Variants in ARHGAP42 observed in about 807,000 individuals in gnomAD.
ARHGAP42 encodes rho GTPase-activating protein 42.
A neutral mutation model predicts 125.0 loss-of-function variants in ARHGAP42; 63 were observed. The ratio of observed to expected loss-of-function variants is 0.50; its 90% CI spans 0.41 to 0.62. The LOEUF (loss-of-function observed/expected upper bound fraction) is 0.62, where lower values mean the gene tolerates loss of function less well. Among genes scored for constraint, ARHGAP42 ranks in the 20% least tolerant of loss-of-function variants. The probability of loss-of-function intolerance (pLI) is 0.00; values close to 1 mark genes in which losing one functional copy is unlikely to be tolerated. For synonymous variants in ARHGAP42, 339 were observed against 351.0 expected, an observed-to-expected ratio of 0.97 and a Z score of 0.38; for missense variants, 766 against 1,024.2, an observed-to-expected ratio of 0.75 and a Z score of 3.44.
In ARHGAP42 at chr11:100,688,286, GAC is replaced by G. The variant is rs1371066764; in HGVS notation, c.154+458_154+459del. ...CTCATACGTCAGTGGCTCTTCATTG[GAC>G]ACAGTCATTGAGTTGGCTTTTTAAA... On this transcript the variant is annotated intron_variant, in intron 1 of 23. Transcript: ENST00000298815. 8.5e-5 allele frequency among the ~76,000 whole-genome samples: 13 copies of G among 152,250 alleles called. No homozygotes were observed. The South Asian group carries it at 2.5e-3, about 29-fold the overall frequency.
chr11:100,763,068 CT>C (rs1293735295), intron 1 of ARHGAP42, among the ~76,000 whole-genome samples: 1 of 148,442 alleles, frequency 6.7e-6, no homozygotes, highest in African/African-American at 2.5e-5. Flanking sequence ...CAACCTCCTC[CT>C]CCCAGGTTCA....
intron 5 of ARHGAP42, among the ~76,000 whole-genome samples, chr11:100,920,905 T>A (rs934336413): frequency 1.3e-5 from 2 of 151,990 alleles, no homozygotes; most frequent in African/African-American, 4.8e-5. Flanking sequence ...CTTAGATGCT[T>A]CTCCCACCAT....
At chr11:100,688,406 A>C (rs1215760930) in intron 1 of ARHGAP42, among the ~76,000 whole-genome samples, 1 of 152,154 alleles carries the variant, frequency 6.6e-6, no homozygotes. Flanking sequence ...TGTGCGTCTT[A>C]GTTTTGGTTT....
intron 4 of ARHGAP42, among the ~76,000 whole-genome samples, chr11:100,912,702 G>A (rs1866956920): frequency 6.6e-6 from 1 of 152,016 alleles, no homozygotes; most frequent in African/African-American, 2.4e-5. Flanking sequence ...CATTTCTATG[G>A]AGGCATGCCA....
rs1858774450 is a variant in ARHGAP42 at position 100,989,467 on chromosome 11, A to C, written c.*666A>C. 3.7e-5 allele frequency: 8 copies of C among 219,148 alleles called. No homozygotes were observed. The Admixed American group carries it at 4.0e-4, about 11-fold the overall frequency. 13.6% of individuals were successfully genotyped at this position (219,148 alleles called of 1,614,324 possible). Reference sequence around the variant, plus strand: ...CCAGAATTCCAGACACCTTCAGCAAACTTTTTCTGTAAAGGCCTGATAGCA... The same window carrying C: ...CCAGAATTCCAGACACCTTCAGCAACCTTTTTCTGTAAAGGCCTGATAGCA... On this transcript the variant is annotated 3_prime_UTR_variant, in exon 24 of 24. Coordinates refer to ENST00000298815, the MANE Select transcript of ARHGAP42 (RefSeq NM_152432.4).
intron 22 of ARHGAP42, chr11:100,986,212 A>T: frequency 2.5e-6 from 1 of 406,592 alleles, no homozygotes; most frequent in South Asian, 1.8e-5. Context: ...AAGCAGGAAG[A>T]TATGATAGTT....
At chr11:100,706,629 A>G (rs1861486112) in intron 1 of ARHGAP42, among the ~76,000 whole-genome samples, 1 of 152,224 alleles carries the variant, frequency 6.6e-6, no homozygotes, top group Admixed American at 6.5e-5. Context: ...AAAATGTACA[A>G]ATGATTTATA....
intron 3 of ARHGAP42, among the ~76,000 whole-genome samples, chr11:100,833,227 C>T (rs553484983): frequency 6.6e-6 from 1 of 152,260 alleles, no homozygotes; most frequent in Admixed American, 6.5e-5. Flanking sequence ...AATTTGTTGC[C>T]TAAAAGTTTC....
intron 4 of ARHGAP42, among the ~76,000 whole-genome samples, chr11:100,886,060 C>G (rs1206894888): frequency 6.6e-6 from 1 of 152,138 alleles, no homozygotes; most frequent in African/African-American, 2.4e-5. Context: ...CCTGAGAAGC[C>G]TATGGTCTAC....
chr11:100,909,462 A>C (rs1866850032), intron 4 of ARHGAP42, among the ~76,000 whole-genome samples: 1 of 151,088 alleles, frequency 6.6e-6, no homozygotes, highest in Non-Finnish European at 1.5e-5. Flanking sequence ...CTCCTGCCTC[A>C]GCCTCCCGAA....
intron 10 of ARHGAP42, among the ~76,000 whole-genome samples, chr11:100,947,370 T>C (rs1868054554): frequency 6.6e-6 from 1 of 151,972 alleles, no homozygotes; most frequent in South Asian, 2.1e-4. Flanking sequence ...ATTTTCTATG[T>C]AGACAAATAC....
chr11:100,881,345 T>G (rs2135176726), intron 4 of ARHGAP42, among the ~76,000 whole-genome samples: 1 of 152,310 alleles, frequency 6.6e-6, no homozygotes, highest in East Asian at 1.9e-4. Context: ...ATCCTTTCCC[T>G]GCTTTATGTT....
chr11:100,932,644 C>T (rs1264478894), intron 6 of ARHGAP42, among the ~76,000 whole-genome samples: 2 of 152,146 alleles, frequency 1.3e-5, no homozygotes, highest in Admixed American at 1.3e-4. Flanking sequence ...TCTTTCCATT[C>T]CTTTGCTAAA....
At chr11:100,800,845 A>C (rs1863834601) in intron 3 of ARHGAP42, among the ~76,000 whole-genome samples, 1 of 152,352 alleles carries the variant, frequency 6.6e-6, no homozygotes, top group East Asian at 1.9e-4. Context: ...ATAAGCGCTG[A>C]TCACACAAAT....
intron 4 of ARHGAP42, among the ~76,000 whole-genome samples, chr11:100,869,766 G>A (rs150911817): frequency 2.2e-4 from 33 of 152,216 alleles, no homozygotes; most frequent in African/African-American, 7.9e-4. Context: ...GCTTTAAGTG[G>A]TTCCTATGTG....
chr11:100,943,743 A>G lies in ARHGAP42; in HGVS notation c.934-16A>G, dbSNP rs1201810863. 6.7e-6 allele frequency: 10 copies of G among 1,487,230 alleles called. No individual in the cohort carries two copies. The highest frequency in any genetic ancestry group is 9.2e-6 in the Non-Finnish European group (10 of 1,090,942). The allele number at this position is 1,487,230 out of a possible 1,614,324, so 92.1% of individuals were successfully genotyped here. A position where few individuals can be genotyped will look rare whatever the true frequency, so the allele number is the denominator to read the frequency against. Reference sequence around the variant, plus strand: ...CTTGTCAGCATGTTAATACTGTGGTACTCTTCTTGTTTCAGAATGGCCTTG... The same window carrying G: ...CTTGTCAGCATGTTAATACTGTGGTGCTCTTCTTGTTTCAGAATGGCCTTG... On this transcript the variant is annotated splice_polypyrimidine_tract_variant and intron_variant, in intron 9 of 23. Coordinates refer to ENST00000298815, the MANE Select transcript of ARHGAP42 (RefSeq NM_152432.4).
At chr11:100,915,946 A>G (rs1345180659) in intron 5 of ARHGAP42, among the ~76,000 whole-genome samples, 1 of 152,194 alleles carries the variant, frequency 6.6e-6, no homozygotes, top group Non-Finnish European at 1.5e-5. Context: ...ATTAAAAGTC[A>G]TCTGCTCCTT....
intron 3 of ARHGAP42, among the ~76,000 whole-genome samples, chr11:100,841,585 C>G (rs1864948096): frequency 6.6e-6 from 1 of 152,158 alleles, no homozygotes; most frequent in Non-Finnish European, 1.5e-5. Context: ...AAATTTCATA[C>G]CATGGTTCTC....
intron 3 of ARHGAP42, among the ~76,000 whole-genome samples, chr11:100,844,919 C>G (rs1356691259): frequency 6.6e-6 from 1 of 152,066 alleles, no homozygotes; most frequent in African/African-American, 2.4e-5. Flanking sequence ...ATCATTTGAT[C>G]CAGCAATCCC....
Sources: allele counts gnomAD v4.1 joint callset (sites outside exome capture counted in the v4.1 genomes callset), GRCh38; gene constraint gnomAD v4.1.1; transcripts MANE v1.5; gene names NCBI Gene and HGNC (gene_info 2026-07-23, HGNC 2026-07-21).